Variants in ESR1 observed in about 807,000 individuals in gnomAD.
ESR1 encodes estrogen receptor.
ESR1 carries 12 observed loss-of-function variants against 52.7 expected under a neutral mutation model. The ratio of observed to expected loss-of-function variants is 0.23; its 90% CI spans 0.15 to 0.37. ESR1 has a LOEUF of 0.37. ESR1 is among the 10% of genes least tolerant of loss of function. The pLI is 1.00. For missense variants in ESR1, 584 were observed against 779.7 expected, an observed-to-expected ratio of 0.75 and a Z score of 2.99; for synonymous variants, 305 against 316.8, an observed-to-expected ratio of 0.96 and a Z score of 0.39.
At chr6:151,819,397 G>A (rs1282329919) in intron 1 of ESR1, among the ~76,000 whole-genome samples, 2 of 152,172 alleles carry the variant, frequency 1.3e-5, no homozygotes, top group African/African-American at 4.8e-5. Flanking sequence ...CGCACAGCAG[G>A]AGGTGAGCAG....
chr6:151,663,400 C>G (rs1777708350), intron 1 of ESR1, among the ~76,000 whole-genome samples: 1 of 152,202 alleles, frequency 6.6e-6, no homozygotes. Flanking sequence ...GTCCTATTGT[C>G]AGCACTTTGC....
At chr6:152,091,403 G>A (rs868104849) in intron 6 of ESR1, among the ~76,000 whole-genome samples, 5 of 152,190 alleles carry the variant, frequency 3.3e-5, no homozygotes, top group Admixed American at 1.3e-4. Flanking sequence ...GCCAAAACAG[G>A]ACTAGAAAAA....
At position 152,004,742 on chromosome 6, in the gene ESR1, A is replaced by G. The variant is rs1476747404; in HGVS notation, c.1097-6914A>G. ...GTCAGAAATGTCTTCATTACATTAC[A>G]TAAAGTAATACACAGTGCTGTTATC... On this transcript the variant is annotated intron_variant, in intron 4 of 7. Coordinates refer to ENST00000206249, the MANE Select transcript of ESR1 (RefSeq NM_000125.4). Among the ~76,000 whole-genome samples the G allele has an allele frequency of 5.3e-5, 8 of 152,162 alleles. 1 individual carries two copies. The South Asian group carries it at 1.4e-3, about 28-fold the overall frequency.
At chr6:151,781,972 A>G (rs571490379) in intron 2 of ESR1, among the ~76,000 whole-genome samples, 5 of 152,364 alleles carry the variant, frequency 3.3e-5, no homozygotes, top group East Asian at 1.9e-4. Context: ...AATAATAACT[A>G]AAATACTAAG....
At chr6:151,713,693 A>G (rs541188148) in intron 2 of ESR1, among the ~76,000 whole-genome samples, 1 of 149,574 alleles carries the variant, frequency 6.7e-6, no homozygotes, top group African/African-American at 2.5e-5. Flanking sequence ...TATTCCCTTT[A>G]TCATATTTTA....
intron 4 of ESR1, among the ~76,000 whole-genome samples, chr6:151,953,320 A>C (rs936046368): frequency 1.3e-5 from 2 of 152,174 alleles, no homozygotes; most frequent in African/African-American, 2.4e-5. Flanking sequence ...GTTACATCGT[A>C]GTGATGAAAG....
intron 4 of ESR1, among the ~76,000 whole-genome samples, chr6:152,006,293 GTGTT>G (rs2042326627): frequency 6.6e-6 from 1 of 151,784 alleles, no homozygotes; most frequent in South Asian, 2.1e-4. Context: ...ATTTTTTTAA[GTGTT>G]TGTCCTGTTA....
chr6:151,846,700 A>G (rs1169072882), intron 2 of ESR1, among the ~76,000 whole-genome samples: 1 of 152,218 alleles, frequency 6.6e-6, no homozygotes, highest in Non-Finnish European at 1.5e-5. Flanking sequence ...TACTTAAGAG[A>G]TTGAGTAATG....
intron 4 of ESR1, among the ~76,000 whole-genome samples, chr6:151,953,419 G>A (rs781112888): frequency 1.1e-4 from 16 of 152,068 alleles, no homozygotes; most frequent in African/African-American, 2.7e-4. Context: ...AAGTGAGTGA[G>A]GCAATAGAAA....
chr6:151,876,014 C>T (rs1791749477), intron 2 of ESR1, among the ~76,000 whole-genome samples: 1 of 152,076 alleles, frequency 6.6e-6, no homozygotes, highest in Non-Finnish European at 1.5e-5. Context: ...GCAAAGGGTC[C>T]TGCGGTGGGC....
At chr6:151,844,991 C>T (rs905903823) in intron 2 of ESR1, among the ~76,000 whole-genome samples, 1 of 150,746 alleles carries the variant, frequency 6.6e-6, no homozygotes, top group Non-Finnish European at 1.5e-5. Context: ...ATGAAAATAC[C>T]AGTTATAAAT....
chr6:151,764,368 T>C (rs1396480797), intron 2 of ESR1, among the ~76,000 whole-genome samples: 3 of 152,238 alleles, frequency 2.0e-5, no homozygotes, highest in East Asian at 1.9e-4. Context: ...ATGTTATAGA[T>C]TGGAAGAAGA....
chr6:151,915,483 C>A (rs2029877958), intron 3 of ESR1, among the ~76,000 whole-genome samples: 1 of 152,166 alleles, frequency 6.6e-6, no homozygotes, highest in Non-Finnish European at 1.5e-5. Context: ...CTGACTTTAT[C>A]ATGTCTTCTG....
At chr6:151,899,541 C>A (rs1796276236) in intron 3 of ESR1, among the ~76,000 whole-genome samples, 1 of 149,014 alleles carries the variant, frequency 6.7e-6, no homozygotes. Context: ...CCCCCCACCT[C>A]CCTCCCGGAC....
At chr6:151,714,736 C>T (rs1428043295) in intron 2 of ESR1, among the ~76,000 whole-genome samples, 1 of 152,052 alleles carries the variant, frequency 6.6e-6, no homozygotes, top group Non-Finnish European at 1.5e-5. Context: ...TGTATCTTTG[C>T]ATGTGATATG....
At chr6:151,709,382 G>A (rs1397089362) in intron 2 of ESR1, among the ~76,000 whole-genome samples, 1 of 152,108 alleles carries the variant, frequency 6.6e-6, no homozygotes, top group Non-Finnish European at 1.5e-5. Context: ...CCATTCATCT[G>A]TTGATGGATA....
chr6:151,699,436 TTTTA>T (rs1341420506), intron 1 of ESR1, among the ~76,000 whole-genome samples: 3 of 152,202 alleles, frequency 2.0e-5, no homozygotes, highest in African/African-American at 7.2e-5. Flanking sequence ...TTATTGCCAA[TTTTA>T]TTTATCAAAA....
chr6:151,684,706 A>G (rs923915373), intron 1 of ESR1, among the ~76,000 whole-genome samples: 4 of 152,248 alleles, frequency 2.6e-5, no homozygotes, highest in Non-Finnish European at 5.9e-5. Flanking sequence ...CTTTCTATCA[A>G]CTGTTTGCAA....
chr6:151,880,739 G>A lies in ESR1; in HGVS notation c.728G>A (p.Arg243His), dbSNP rs753014570. 1.7e-5 allele frequency: 28 copies of A among 1,608,170 alleles called. No individual in the cohort carries two copies. The highest frequency in any genetic ancestry group is 3.3e-5 in the Admixed American group (2 of 59,996). Residue 243 changes from arginine to histidine, a missense_variant, in exon 3 of 8, where the codon CGT becomes CAT. By Grantham distance (29) the Arg-to-His change is conservative. Around this residue, in one of 6 missense-constraint regions of ESR1, gnomAD observed 25 missense variants for 53.0 expected, o/e 0.47. Transcript: ENST00000206249. ...AAGAGCTGCCAGGCCTGCCGGCTCC[G>A]TAAATGCTACGAAGTGGGAATGATG... is the stretch of plus-strand genomic sequence containing the variant. The part of the protein sequence containing the change: ...RRKSCQACRL[R>H]KCYEVGMMKG...
Sources: allele counts gnomAD v4.1 joint callset (sites outside exome capture counted in the v4.1 genomes callset), GRCh38; gene constraint gnomAD v4.1.1; regional missense constraint gnomAD v4.1.1; transcripts MANE v1.5; gene names NCBI Gene and HGNC (gene_info 2026-07-23, HGNC 2026-07-21).